Variants in HOMER2 observed in about 807,000 individuals in gnomAD.
HOMER2 encodes homer scaffold protein 2.
In HOMER2, 27 loss-of-function variants were observed where a neutral mutation model predicts 47.0. That is an observed-to-expected ratio of 0.57 (90% confidence interval 0.42 to 0.79). The LOEUF is 0.79. Among genes scored for constraint, HOMER2 ranks in the 30% least tolerant of loss-of-function variants. HOMER2 has a pLI of 0.00. For missense variants in HOMER2, 443 were observed against 435.0 expected (o/e 1.02, Z -0.16); for synonymous variants, 161 against 163.8 (o/e 0.98, Z 0.13).
intron 1 of HOMER2, among the ~76,000 whole-genome samples, chr15:82,922,141 T>A (rs2053744611): frequency 6.6e-6 from 1 of 152,188 alleles, no homozygotes; most frequent in Non-Finnish European, 1.5e-5. Context: ...CAGATTTACA[T>A]CCCAGCTTGT....
At chr15:82,977,418 T>C (rs948424038) in intron 1 of HOMER2, among the ~76,000 whole-genome samples, 2 of 152,192 alleles carry the variant, frequency 1.3e-5, no homozygotes, top group African/African-American at 4.8e-5. Flanking sequence ...TTCTTAAATG[T>C]TTACCTTCAT....
chr15:82,933,920 A>G (rs1375513405), intron 1 of HOMER2, among the ~76,000 whole-genome samples: 1 of 152,024 alleles, frequency 6.6e-6, no homozygotes, highest in African/African-American at 2.4e-5. Context: ...TGGACACCAC[A>G]CTTCCCTGCC....
chr15:82,943,764 C>T (rs2054313984), intron 1 of HOMER2, among the ~76,000 whole-genome samples: 1 of 152,204 alleles, frequency 6.6e-6, no homozygotes, highest in South Asian at 2.1e-4. Flanking sequence ...CTTGGCCTGC[C>T]CCTCACTGGT....
At chr15:82,866,834 T>C (rs2051984770) in intron 3 of HOMER2, among the ~76,000 whole-genome samples, 1 of 152,200 alleles carries the variant, frequency 6.6e-6, no homozygotes, top group South Asian at 2.1e-4. Flanking sequence ...GAACTGTAAG[T>C]CCAATAAGCC....
chr15:82,928,940 T>TAAAAAAAA lies in HOMER2; in HGVS notation c.5+23583_5+23590dup. Among the ~76,000 whole-genome samples the TAAAAAAAA allele has an allele frequency of 8.8e-4, 35 of 39,886 alleles. 3 individuals are homozygous for TAAAAAAAA. The highest frequency in any genetic ancestry group is 1.5e-3 in the African/African-American group (10 of 6,468). The allele number at this position is 39,886 out of a possible 152,430, so 26.2% of individuals were successfully genotyped here. A position where few individuals can be genotyped will look rare whatever the true frequency, so the allele number is the denominator to read the frequency against. On this transcript the variant is annotated intron_variant, in intron 1 of 8. Coordinates refer to ENST00000450735, the MANE Select transcript of HOMER2 (RefSeq NM_004839.4). ...TAACAACTGGCAAAAAAATAAAAAC[T>TAAAAAAAA]AAAAAAAAAAAAAAAAAAAAGCTGT... is the stretch of plus-strand genomic sequence containing the variant.
chr15:82,893,806 G>A (rs2052809273), intron 1 of HOMER2, among the ~76,000 whole-genome samples: 1 of 151,724 alleles, frequency 6.6e-6, no homozygotes, highest in Admixed American at 6.6e-5. Context: ...GGGAGGTGGT[G>A]GGTAGAGACA....
intron 1 of HOMER2, among the ~76,000 whole-genome samples, chr15:82,914,505 T>G (rs77686646): frequency 0.013 from 2,007 of 152,086 alleles, 46 homozygotes; most frequent in African/African-American, 0.046. Context: ...TGAATCAAAT[T>G]GTCAAATTCA....
intron 4 of HOMER2, among the ~76,000 whole-genome samples, chr15:82,861,347 C>T (rs1216488290): frequency 6.6e-6 from 1 of 152,104 alleles, no homozygotes; most frequent in East Asian, 1.9e-4. Flanking sequence ...AGCTGTGATA[C>T]CAACACTAGA....
At chr15:82,911,082 G>C (rs2151148888) in intron 1 of HOMER2, among the ~76,000 whole-genome samples, 1 of 152,294 alleles carries the variant, frequency 6.6e-6, no homozygotes, top group South Asian at 2.1e-4. Flanking sequence ...ATGTTATGTT[G>C]ATTATAGGTG....
At chr15:82,938,740 G>C (rs1050365282) in intron 1 of HOMER2, among the ~76,000 whole-genome samples, 2 of 152,084 alleles carry the variant, frequency 1.3e-5, no homozygotes, top group African/African-American at 4.8e-5. Flanking sequence ...TTTCACATTT[G>C]GCTGAGGCTG....
chr15:82,853,450 C>T (rs1001234834), intron 6 of HOMER2, among the ~76,000 whole-genome samples: 18 of 152,148 alleles, frequency 1.2e-4, no homozygotes, highest in African/African-American at 4.1e-4. Flanking sequence ...TGACACGAGA[C>T]ACTTTTATGT....
chr15:82,984,347 G>T (rs947413464), intron 1 of HOMER2, among the ~76,000 whole-genome samples: 3 of 151,924 alleles, frequency 2.0e-5, no homozygotes, highest in Non-Finnish European at 4.4e-5. Context: ...TTCAATTATT[G>T]TAACCTTGGT....
intron 1 of HOMER2, among the ~76,000 whole-genome samples, chr15:82,912,891 G>C (rs928212517): frequency 2.0e-5 from 3 of 152,220 alleles, no homozygotes; most frequent in African/African-American, 7.2e-5. Flanking sequence ...GTGTGTGTGT[G>C]ACTGTTCTGG....
chr15:82,934,867 A>C (rs2054106181), intron 1 of HOMER2, among the ~76,000 whole-genome samples: 1 of 152,092 alleles, frequency 6.6e-6, no homozygotes, highest in Non-Finnish European at 1.5e-5. Context: ...ACAATTTCAC[A>C]TCACCTTCTC....
upstream of HOMER2, among the ~76,000 whole-genome samples, chr15:82,954,187 A>T (rs2054561729): frequency 1.3e-5 from 2 of 152,222 alleles, no homozygotes; most frequent in South Asian, 4.1e-4. Context: ...GAGCTTGTAG[A>T]ACACTGAACA....
At chr15:82,836,297 C>CA (rs1321910974), downstream of HOMER2, among the ~76,000 whole-genome samples, 4 of 152,238 alleles carry the variant, frequency 2.6e-5, no homozygotes, top group Non-Finnish European at 5.9e-5. Flanking sequence ...AGTCGGCCTC[C>CA]AAAGCACTGC....
intron 1 of HOMER2, among the ~76,000 whole-genome samples, chr15:82,909,709 C>T (rs2019208): frequency 0.27 from 41,264 of 152,050 alleles, 5,938 homozygotes; most frequent in Non-Finnish European, 0.29. Context: ...GACATATTGG[C>T]TCTTTGAAGA....
At position 82,881,721 on chromosome 15, in the gene HOMER2, A is replaced by C. The variant is rs950454057; in HGVS notation, c.163-6317T>G. Reference sequence around the variant, plus strand: ...TCCAAAAGAAAATACCAAATAAGTCAGAGTTTTGGATACTGATATCCTCTG... The same window carrying C: ...TCCAAAAGAAAATACCAAATAAGTCCGAGTTTTGGATACTGATATCCTCTG... On this transcript the variant is annotated intron_variant, in intron 2 of 8. Coordinates refer to ENST00000450735, the MANE Select transcript of HOMER2 (RefSeq NM_004839.4). Among the ~76,000 whole-genome samples, 8 of 152,228 alleles carry C rather than the reference A, an allele frequency of 5.3e-5. 1 individual carries two copies. The highest frequency in any genetic ancestry group is 4.6e-4 in the Admixed American group (7 of 15,292).
chr15:82,845,500 C>G (rs1226896662), downstream of HOMER2: 3 of 152,258 alleles, frequency 2.0e-5, no homozygotes, highest in African/African-American at 7.2e-5. Context: ...AAGCCATGTA[C>G]TCAGAAATTA....
Sources: allele counts gnomAD v4.1 joint callset (sites outside exome capture counted in the v4.1 genomes callset), GRCh38; gene constraint gnomAD v4.1.1; transcripts MANE v1.5; gene names NCBI Gene and HGNC (gene_info 2026-07-23, HGNC 2026-07-21).